TMCC3: variants seen among roughly 807,000 people sequenced by gnomAD.
The protein encoded by TMCC3 is transmembrane and coiled-coil domain protein 3.
TMCC3 carries 28 observed loss-of-function variants against 40.2 expected under a neutral mutation model. The ratio of observed to expected loss-of-function variants is 0.70; its 90% confidence interval spans 0.52 to 0.95. The LOEUF (loss-of-function observed/expected upper bound fraction) is 0.95, where lower values mean the gene tolerates loss of function less well. Ranked by LOEUF, TMCC3 falls within the 40% of genes least tolerant of loss-of-function variation. TMCC3 has a pLI of 0.00. For synonymous variants in TMCC3, 255 were observed against 248.5 expected (o/e 1.03, Z -0.25); for missense variants, 554 against 615.2 (o/e 0.90, Z 1.05).
At chr12:94,649,766 C>T (rs1187011806) in intron 1 of TMCC3, among the ~76,000 whole-genome samples, 1 of 152,270 alleles carries the variant, frequency 6.6e-6, no homozygotes, top group Non-Finnish European at 1.5e-5. Context: ...AATTACACTG[C>T]AAACAATGGC....
intron 1 of TMCC3, among the ~76,000 whole-genome samples, chr12:94,644,648 C>T (rs1346004183): frequency 6.6e-6 from 1 of 152,228 alleles, no homozygotes; most frequent in African/African-American, 2.4e-5. Flanking sequence ...TATTCATTCT[C>T]TTTAAGAGGC....
intron 1 of TMCC3, among the ~76,000 whole-genome samples, chr12:94,638,017 G>T (rs1202782005): frequency 2.0e-5 from 3 of 152,174 alleles, no homozygotes; most frequent in African/African-American, 7.2e-5. Flanking sequence ...AGTCCACAAA[G>T]AAAGGAGACC....
chr12:94,631,862 A>G (rs2068935490), intron 1 of TMCC3, among the ~76,000 whole-genome samples: 1 of 152,258 alleles, frequency 6.6e-6, no homozygotes, highest in African/African-American at 2.4e-5. Flanking sequence ...CAGTAGTAAC[A>G]TGAAAAAACA....
chr12:94,587,774 C>T (rs2068646582), intron 1 of TMCC3, among the ~76,000 whole-genome samples: 1 of 152,132 alleles, frequency 6.6e-6, no homozygotes, highest in African/African-American at 2.4e-5. Context: ...CAATGCTGAC[C>T]TTTGCACCGT....
intron 1 of TMCC3, among the ~76,000 whole-genome samples, chr12:94,611,161 T>C (rs2138859430): frequency 6.6e-6 from 1 of 152,284 alleles, no homozygotes; most frequent in Admixed American, 6.5e-5. Context: ...CTAACTGAAT[T>C]TTGTTTATGT....
chr12:94,614,074 G>T (rs144068241), intron 1 of TMCC3: 1 of 129,422 alleles, frequency 7.7e-6, no homozygotes, highest in African/African-American at 3.0e-5. Context: ...CAGCCTGGGC[G>T]ACAGAGTGAG....
At chr12:94,632,110 G>A (rs777785966) in intron 1 of TMCC3, among the ~76,000 whole-genome samples, 4 of 152,192 alleles carry the variant, frequency 2.6e-5, no homozygotes, top group Non-Finnish European at 4.4e-5. Context: ...AAAACTGTAA[G>A]GACAGAAATG....
At chr12:94,608,558 TC>T (rs1329804809) in intron 1 of TMCC3, among the ~76,000 whole-genome samples, 1 of 151,826 alleles carries the variant, frequency 6.6e-6, no homozygotes, top group African/African-American at 2.4e-5. Context: ...CTCCTCTCTC[TC>T]CAGGTTGATC....
At chr12:94,573,428 A>T (rs2068545352) in intron 3 of TMCC3, among the ~76,000 whole-genome samples, 1 of 152,138 alleles carries the variant, frequency 6.6e-6, no homozygotes, top group African/African-American at 2.4e-5. Context: ...TTAAGGATGC[A>T]TATTTGGTAT....
Position 94,571,671 on chromosome 12 carries a change from G to C in TMCC3, c.1198C>G (p.Leu400Val), listed in dbSNP as rs777194020. 2 of 1,614,240 alleles carry C rather than the reference G, an allele frequency of 1.2e-6. No homozygotes were observed. The highest frequency in any genetic ancestry group is 2.2e-5 in the South Asian group (2 of 91,088). ...LELHQQEQQALQTDTVNAKVL... is the reference protein window; with the variant it reads ...LELHQQEQQAVQTDTVNAKVL... ...TTAGCATTCACGGTGTCTGTCTGCA[G>C]AGCTTGCTGCTCTTGCTGGTGGAGC... Residue 400 changes from leucine (L) to valine (V), a missense_variant, in exon 4 of 4, where the codon CTG (leucine) becomes GTG (valine). Leu to Val is a conservative substitution (Grantham distance 32). Coordinates refer to ENST00000261226, the MANE Select transcript of TMCC3 (RefSeq NM_020698.4).
At chr12:94,577,826 C>G (rs2068574577) in intron 3 of TMCC3, among the ~76,000 whole-genome samples, 1 of 151,978 alleles carries the variant, frequency 6.6e-6, no homozygotes, top group Non-Finnish European at 1.5e-5. Flanking sequence ...AATACTTGTT[C>G]ATTGATTTAG....
chr12:94,639,848 T>C (rs1365153626), intron 1 of TMCC3, among the ~76,000 whole-genome samples: 1 of 150,188 alleles, frequency 6.7e-6, no homozygotes, highest in East Asian at 1.9e-4. Context: ...TGGATCTGGG[T>C]TCCTGTTGGC....
intron 1 of TMCC3, among the ~76,000 whole-genome samples, chr12:94,637,951 C>T (rs2068969405): frequency 6.6e-6 from 1 of 152,146 alleles, no homozygotes; most frequent in Non-Finnish European, 1.5e-5. Context: ...AAGAACACAA[C>T]TATCTCCATG....
chr12:94,577,305 C>T (rs1490268654), intron 3 of TMCC3, among the ~76,000 whole-genome samples: 1 of 152,152 alleles, frequency 6.6e-6, no homozygotes, highest in African/African-American at 2.4e-5. Context: ...TCTCCCGCCT[C>T]AGCCTCCCGA....
At chr12:94,625,420 C>T (rs962965164) in intron 1 of TMCC3, among the ~76,000 whole-genome samples, 2 of 151,594 alleles carry the variant, frequency 1.3e-5, no homozygotes, top group African/African-American at 4.9e-5. Flanking sequence ...ACGGTGAAAC[C>T]CTATCTCTAC....
intron 1 of TMCC3, among the ~76,000 whole-genome samples, chr12:94,628,792 C>G (rs2068916997): frequency 2.0e-5 from 3 of 152,182 alleles, no homozygotes; most frequent in African/African-American, 7.2e-5. Context: ...AAGCGCGTGA[C>G]TTTTGTAAAA....
intron 1 of TMCC3, among the ~76,000 whole-genome samples, chr12:94,616,952 C>A (rs1360349964): frequency 6.6e-6 from 1 of 152,136 alleles, no homozygotes; most frequent in Non-Finnish European, 1.5e-5. Context: ...AAATGCATTT[C>A]CATGGAGCCA....
intron 1 of TMCC3, among the ~76,000 whole-genome samples, chr12:94,601,343 C>T (rs2068751120): frequency 6.6e-6 from 1 of 151,912 alleles, no homozygotes; most frequent in Non-Finnish European, 1.5e-5. Flanking sequence ...GGTGAAAGCC[C>T]ATCTCTACCA....
In TMCC3 at chr12:94,650,540, G is replaced by T. The variant is rs2069052029; in HGVS notation, c.-110C>A. 3.3e-6 allele frequency: 3 copies of T among 908,288 alleles called. No homozygotes were observed. The highest frequency in any genetic ancestry group is 3.9e-5 in the East Asian group (1 of 25,466). 56.3% of individuals were successfully genotyped at this position (908,288 alleles called of 1,614,324 possible). On this transcript the variant is annotated 5_prime_UTR_variant, in exon 1 of 4. Transcript: ENST00000261226. The stretch of plus-strand genomic sequence containing the variant: ...CCGCGGGCGAGGGGGCGGCGCGGCT[G>T]CTGCAGCTGTTGCCTCTGGTGCCAA...
Sources: allele counts gnomAD v4.1 joint callset (sites outside exome capture counted in the v4.1 genomes callset), GRCh38; gene constraint gnomAD v4.1.1; transcripts MANE v1.5; gene names NCBI Gene and HGNC (gene_info 2026-07-23, HGNC 2026-07-21).